The following MZT2A variants were observed in gnomAD, a reference collection of about 807,000 sequenced individuals.
MZT2A encodes the protein mitotic spindle organizing protein 2A.
In MZT2A, 8 loss-of-function variants were observed where a neutral mutation model predicts 12.4. That is an observed-to-expected ratio of 0.64 (90% CI 0.38 to 1.16). MZT2A has a LOEUF of 1.16. MZT2A is among the 50% of genes most tolerant of loss of function. MZT2A has a pLI of 0.01. For synonymous variants in MZT2A, 88 were observed against 107.5 expected (o/e 0.82, Z 1.12); for missense variants, 181 against 223.6 (o/e 0.81, Z 1.22).
chr2:131,490,729 C>A, intron 2 of MZT2A: 1 of 1,549,308 alleles, frequency 6.5e-7, no homozygotes, highest in East Asian at 2.4e-5. Context: ...AAGGAGAGAA[C>A]AGGCAGCAAG....
downstream of MZT2A, chr2:131,483,894 C>T (rs1382139212): frequency 1.6e-5 from 22 of 1,370,824 alleles, no homozygotes; most frequent in African/African-American, 7.6e-5. Context: ...CAACCAGGAC[C>T]GGCACAGAAA....
intron 2 of MZT2A, chr2:131,475,995 A>G (rs1340109615): frequency 3.8e-5 from 35 of 913,794 alleles, no homozygotes; most frequent in Admixed American, 1.1e-4. Context: ...GAGCGTCCCC[A>G]GTACACATGT....
At chr2:131,477,345 T>G (rs1317123588) in intron 2 of MZT2A, among the ~76,000 whole-genome samples, 1 of 152,186 alleles carries the variant, frequency 6.6e-6, no homozygotes, top group Non-Finnish European at 1.5e-5. Context: ...TGGCAGGGTT[T>G]AAAGAAACCA....
chr2:131,484,060 C>T lies in MZT2A; in HGVS notation c.*1G>A. ...AAGATGTGACAAGTCTCTGCCCCATCCTAGGTGCTGCCCTGCGTAGGGCTC... is the reference window on the plus strand; with the variant it reads ...AAGATGTGACAAGTCTCTGCCCCATTCTAGGTGCTGCCCTGCGTAGGGCTC... On this transcript the variant is annotated 3_prime_UTR_variant, in exon 3 of 3. Transcript: ENST00000309451. The T allele has an allele frequency of 6.2e-7, 1 of 1,604,388 alleles. No homozygotes were observed.
chr2:131,493,685 C>CA (rs34522606), upstream of MZT2A, among the ~76,000 whole-genome samples: 33,853 of 151,502 alleles, frequency 0.22, 4,919 homozygotes, highest in East Asian at 0.67. Flanking sequence ...CAAAACGAAA[C>CA]AAAAAAAACA....
intron 2 of MZT2A, among the ~76,000 whole-genome samples, chr2:131,488,845 A>G (rs1559359983): frequency 6.6e-6 from 1 of 151,948 alleles, no homozygotes; most frequent in Non-Finnish European, 1.5e-5. Context: ...TCGAGAAACA[A>G]ATGACCCTGA....
chr2:131,492,860 C>G, upstream of MZT2A: 1 of 1,493,074 alleles, frequency 6.7e-7, no homozygotes. Flanking sequence ...TGCGTGAGCC[C>G]TACCTTGGGG....
At chr2:131,486,675 G>C (rs1206585275) in intron 2 of MZT2A, 1 of 151,722 alleles carries the variant, frequency 6.6e-6, no homozygotes, top group Admixed American at 6.6e-5. Flanking sequence ...ACCTGGTCTA[G>C]AGCACAGTGA....
chr2:131,472,559 A>G (rs1678477529), intron 2 of MZT2A, among the ~76,000 whole-genome samples: 1 of 152,256 alleles, frequency 6.6e-6, no homozygotes, highest in Non-Finnish European at 1.5e-5. Flanking sequence ...GGTCAACAAC[A>G]GACAGCATAT....
At chr2:131,484,703 C>G (rs1203216490) in intron 2 of MZT2A, among the ~76,000 whole-genome samples, 1 of 152,236 alleles carries the variant, frequency 6.6e-6, no homozygotes, top group Non-Finnish European at 1.5e-5. Flanking sequence ...TCACCAAGTC[C>G]TGGAATTGGG....
downstream of MZT2A, among the ~76,000 whole-genome samples, chr2:131,483,322 G>A (rs1339179591): frequency 6.6e-6 from 1 of 151,886 alleles, no homozygotes; most frequent in Non-Finnish European, 1.5e-5. Flanking sequence ...CATTTTAGAG[G>A]GGGAAAGAGT....
At chr2:131,484,426 A>G (rs1236103822) in intron 2 of MZT2A, among the ~76,000 whole-genome samples, 2 of 152,190 alleles carry the variant, frequency 1.3e-5, no homozygotes. Flanking sequence ...TGTGCAGGGG[A>G]CCCTTTAGGA....
At chr2:131,479,260 G>C, downstream of MZT2A, 1 of 1,594,558 alleles carries the variant, frequency 6.3e-7, no homozygotes, top group Non-Finnish European at 8.6e-7. Context: ...GTCCATCTTG[G>C]TGAGTACAGG....
At chr2:131,490,541 G>A (rs1335416758) in intron 2 of MZT2A, 14 of 1,476,654 alleles carry the variant, frequency 9.5e-6, no homozygotes, top group Non-Finnish European at 1.3e-5. Context: ...GCCACACCAT[G>A]TCTCTAATAA....
chr2:131,490,850 C>T, intron 2 of MZT2A: 1 of 1,550,034 alleles, frequency 6.5e-7, no homozygotes, highest in Non-Finnish European at 8.7e-7. Flanking sequence ...AAACGAGGGC[C>T]TTGCAGGGGG....
rs1678948450 is a variant in MZT2A, at chr2:131,483,970, C to T, written c.*91G>A. On this transcript the variant is annotated 3_prime_UTR_variant, in exon 3 of 3. Coordinates refer to ENST00000309451, the MANE Select transcript of MZT2A (RefSeq NM_001085365.2). ...ACAGTAGAGAGCATCTGACCTGGAC[C>T]CTCTGCATCTCAGAAAGGTTTATTA... 4.7e-6 allele frequency: 7 copies of T among 1,503,766 alleles called. No homozygotes were observed. The highest frequency in any genetic ancestry group is 4.1e-5 in the South Asian group (3 of 72,398). 93.2% of individuals were successfully genotyped at this position (1,503,766 alleles called of 1,614,324 possible).
At position 131,487,819 on chromosome 2, in the gene MZT2A, T is replaced by G. The variant is rs1484659948; in HGVS notation, c.320-3601A>C. ...TCTCACTCTCTCACCCAGGCTGGAG[T>G]GCAGTGGTGCAGTCACAGCTCACTG... On this transcript the variant is annotated intron_variant, in intron 2 of 2. Coordinates refer to ENST00000309451, the MANE Select transcript of MZT2A (RefSeq NM_001085365.2). 4.6e-5 allele frequency among the ~76,000 whole-genome samples: 7 copies of G among 152,224 alleles called. No homozygotes were observed. The South Asian group carries it at 1.0e-3, about 23-fold the overall frequency.
At chr2:131,482,938 C>A, downstream of MZT2A, 3 of 1,540,308 alleles carry the variant, frequency 1.9e-6, no homozygotes, top group Non-Finnish European at 2.6e-6. Flanking sequence ...AAACCAAGCC[C>A]TCTGTGTGTC....
Position 131,485,338 on chromosome 2 carries a change from T to C in MZT2A, c.320-1120A>G, listed in dbSNP as rs377644921. Among the ~76,000 whole-genome samples, 8 of 152,280 alleles carry C rather than the reference T, an allele frequency of 5.3e-5. No homozygotes were observed. The East Asian group carries it at 7.7e-4, about 15-fold the overall frequency. The stretch of plus-strand genomic sequence containing the variant: ...GGGCTTGCATGTTCCCAGACACTGA[T>C]ACACGTTTAGGTTGTTGCCTGGAAC... On this transcript the variant is annotated intron_variant, in intron 2 of 2. Transcript: ENST00000309451.
Sources: allele counts gnomAD v4.1 joint callset (sites outside exome capture counted in the v4.1 genomes callset), GRCh38; gene constraint gnomAD v4.1.1; transcripts MANE v1.5; gene names NCBI Gene and HGNC (gene_info 2026-07-23, HGNC 2026-07-21).